ZNF892: variants seen among roughly 807,000 people sequenced by gnomAD.
The protein encoded by ZNF892 is zinc finger protein 892.
the ZNF892 span, among the ~76,000 whole-genome samples, chr2:95,261,200 T>C: frequency 1.3e-5 from 2 of 152,050 alleles, no homozygotes; most frequent in Admixed American, 6.6e-5. Context: ...CGGACACCTG[T>C]GAGGGCATCA....
the ZNF892 span, chr2:95,207,560 C>G: frequency 8.1e-6 from 3 of 370,540 alleles, no homozygotes; most frequent in Admixed American, 4.6e-5. Flanking sequence ...GCGTCCCCGC[C>G]GGCTGTTAGA....
the ZNF892 span, among the ~76,000 whole-genome samples, chr2:95,231,224 A>C: frequency 6.6e-6 from 1 of 152,380 alleles, no homozygotes; most frequent in Admixed American, 6.5e-5. Context: ...GTATTCACAC[A>C]ATGGACTACT....
chr2:95,207,756 A>G, the ZNF892 span: 4 of 398,104 alleles, frequency 1.0e-5, no homozygotes, highest in Non-Finnish European at 1.8e-5. Context: ...CGAGCGGCGG[A>G]CCTCCGGCTC....
the ZNF892 span, among the ~76,000 whole-genome samples, chr2:95,248,453 C>T: frequency 6.6e-6 from 1 of 152,076 alleles, no homozygotes; most frequent in Non-Finnish European, 1.5e-5. Context: ...TGGAACATAC[C>T]CAGGTAACAA....
chr2:95,216,618 T>C, the ZNF892 span, among the ~76,000 whole-genome samples: 1 of 152,186 alleles, frequency 6.6e-6, no homozygotes, highest in Non-Finnish European at 1.5e-5. Flanking sequence ...GTGGCATCTT[T>C]TTATATTTTT....
the ZNF892 span, among the ~76,000 whole-genome samples, chr2:95,227,641 G>C: frequency 6.6e-6 from 1 of 151,982 alleles, no homozygotes; most frequent in East Asian, 1.9e-4. Flanking sequence ...TCAGAGACAG[G>C]GTCTCTGCTC....
chr2:95,215,324 A>G, the ZNF892 span: 1 of 469,878 alleles, frequency 2.1e-6, no homozygotes, highest in East Asian at 3.3e-5. Flanking sequence ...GTGACCGCTC[A>G]GCCCTTATTC....
the ZNF892 span, among the ~76,000 whole-genome samples, chr2:95,261,575 G>A: frequency 2.9e-3 from 437 of 152,314 alleles, 2 homozygotes; most frequent in Admixed American, 7.1e-3. Flanking sequence ...GATTACAGGC[G>A]TGAGCCACCA....
chr2:95,217,036 C>T, the ZNF892 span, among the ~76,000 whole-genome samples: 4 of 152,180 alleles, frequency 2.6e-5, no homozygotes, highest in East Asian at 5.8e-4. Flanking sequence ...GAGGCTGGGA[C>T]GTCCAAGATC....
chr2:95,239,731 A>G, the ZNF892 span, among the ~76,000 whole-genome samples: 93 of 152,186 alleles, frequency 6.1e-4, no homozygotes, highest in African/African-American at 2.2e-3. Context: ...GGGTTCAAGC[A>G]ATTCTCCTGC....
At chr2:95,259,104 GA>G in the ZNF892 span, 1 of 152,168 alleles carries the variant, frequency 6.6e-6, no homozygotes, top group African/African-American at 2.4e-5. Context: ...ACTCCCCATT[GA>G]AGAATGTTCC....
the ZNF892 span, among the ~76,000 whole-genome samples, chr2:95,216,558 T>G: frequency 6.6e-6 from 1 of 152,244 alleles, no homozygotes; most frequent in Non-Finnish European, 1.5e-5. Flanking sequence ...ATGAAAAACT[T>G]GAAAAGATTT....
At chr2:95,213,183 C>A in the ZNF892 span, among the ~76,000 whole-genome samples, 1 of 152,202 alleles carries the variant, frequency 6.6e-6, no homozygotes, top group South Asian at 2.1e-4. Flanking sequence ...AACTTGAACT[C>A]TTAACATCAG....
the ZNF892 span, among the ~76,000 whole-genome samples, chr2:95,249,033 C>T: frequency 6.6e-6 from 1 of 151,908 alleles, no homozygotes; most frequent in Non-Finnish European, 1.5e-5. Context: ...CCTCCTGCCT[C>T]AGCCTCCCAA....
chr2:95,260,096 A>G, the ZNF892 span, among the ~76,000 whole-genome samples: 9 of 152,158 alleles, frequency 5.9e-5, no homozygotes, highest in African/African-American at 2.2e-4. Context: ...GGCTCCCAAC[A>G]TATCACAGAA....
chr2:95,251,910 C>G, the ZNF892 span, among the ~76,000 whole-genome samples: 3 of 152,176 alleles, frequency 2.0e-5, no homozygotes, highest in Non-Finnish European at 4.4e-5. Flanking sequence ...TACCCAGAAC[C>G]AAATTCACAA....
chr2:95,242,567 A>G, the ZNF892 span, among the ~76,000 whole-genome samples: 1 of 152,236 alleles, frequency 6.6e-6, no homozygotes, highest in South Asian at 2.1e-4. Context: ...CAGTGACACT[A>G]TGAAGCAATT....
chr2:95,207,637 C>T, the ZNF892 span: 1 of 394,018 alleles, frequency 2.5e-6, no homozygotes, highest in Admixed American at 4.4e-5. Context: ...TAGAGGAGGG[C>T]TGAACGCATC....
At chr2:95,221,697 A>G in the ZNF892 span, among the ~76,000 whole-genome samples, 3 of 151,768 alleles carry the variant, frequency 2.0e-5, no homozygotes, top group Non-Finnish European at 4.4e-5. Context: ...TTCTTTCCTG[A>G]TATTGCTTAT....
Sources: allele counts gnomAD v4.1 joint callset (sites outside exome capture counted in the v4.1 genomes callset), GRCh38; gene constraint gnomAD v4.1.1; transcripts MANE v1.5; gene names NCBI Gene and HGNC (gene_info 2026-07-23, HGNC 2026-07-21).